The following TIA1 variants were observed in gnomAD, a reference collection of about 807,000 sequenced individuals.
TIA1 encodes cytotoxic granule associated RNA binding protein TIA1.
Under a neutral mutation model 65.9 loss-of-function variants are expected in TIA1, and 23 were observed. That is an observed-to-expected ratio of 0.35 (90% CI 0.25 to 0.49). The LOEUF (loss-of-function observed/expected upper bound fraction) is 0.49, where lower values mean the gene tolerates loss of function less well. Among genes scored for constraint, TIA1 ranks in the 20% least tolerant of loss-of-function variants. The pLI is 0.98. For missense variants in TIA1, 371 were observed against 477.9 expected, an observed-to-expected ratio of 0.78 and a Z score of 2.09; for synonymous variants, 147 against 149.4, an observed-to-expected ratio of 0.98 and a Z score of 0.12.
Position 70,214,270 on chromosome 2 carries a change from A to G in TIA1, c.1034+79T>C, listed in dbSNP as rs1028412998. ...ACATAAGAGGCCCTATTACCCACTA[A>G]TTCTTAAAATTTCTTCCTACTTAAA... On this transcript the variant is annotated intron_variant, in intron 12 of 12. Transcript: ENST00000433529. 5 of 1,501,272 alleles carry G rather than the reference A, an allele frequency of 3.3e-6. No individual in the cohort carries two copies. In the East Asian group the frequency reaches 6.9e-5, roughly 21 times the overall value. 93.0% of individuals were successfully genotyped at this position (1,501,272 alleles called of 1,614,324 possible).
chr2:70,225,249 C>G, intron 6 of TIA1: 3 of 1,141,636 alleles, frequency 2.6e-6, no homozygotes, highest in Non-Finnish European at 3.3e-6. Context: ...TTTATAATAG[C>G]ATTCATATAA....
chr2:70,245,482 C>T (rs1693884096), intron 1 of TIA1, among the ~76,000 whole-genome samples: 1 of 152,186 alleles, frequency 6.6e-6, no homozygotes, highest in Admixed American at 6.5e-5. Flanking sequence ...TTTTTCTAGT[C>T]TAGTGTGTAG....
chr2:70,220,176 G>A (rs1026859489), intron 7 of TIA1, among the ~76,000 whole-genome samples: 14 of 152,066 alleles, frequency 9.2e-5, no homozygotes, highest in African/African-American at 2.9e-4. Context: ...TTGGGAGGCC[G>A]AGGCAGGTGG....
rs1684459565 is a variant in TIA1 at position 70,227,827 on chromosome 2, T to C, written c.311-5A>G. 6.3e-7 allele frequency: 1 copy of C among 1,591,504 alleles called. No individual in the cohort carries two copies. Among genetic ancestry groups the C allele is most frequent in the African/African-American group, 1.3e-5 (1 of 74,614 alleles). On this transcript the variant is annotated splice_polypyrimidine_tract_variant and splice_region_variant and intron_variant, in intron 5 of 12. Coordinates refer to ENST00000433529, the MANE Select transcript of TIA1 (RefSeq NM_022173.4). ...CAACAAAGACATGGAAATGATCTTA[T>C]AAGGGGAAGGAAGGGGAAGTGAAAA...
chr2:70,241,175 G>A (rs1008283975), intron 1 of TIA1, among the ~76,000 whole-genome samples: 8 of 151,822 alleles, frequency 5.3e-5, no homozygotes, highest in South Asian at 4.2e-4. Flanking sequence ...GGACAGGTGC[G>A]GTGGCTCACG....
chr2:70,220,257 A>G (rs925479120), intron 7 of TIA1, among the ~76,000 whole-genome samples: 5 of 152,018 alleles, frequency 3.3e-5, no homozygotes, highest in Admixed American at 1.3e-4. Flanking sequence ...AAAATAGAAA[A>G]ATTAGCTGGG....
chr2:70,225,601 T>C (rs1683438484), intron 6 of TIA1, among the ~76,000 whole-genome samples: 1 of 152,232 alleles, frequency 6.6e-6, no homozygotes, highest in South Asian at 2.1e-4. Flanking sequence ...CAGAAAGCCA[T>C]GCAATGTAAT....
intron 1 of TIA1, among the ~76,000 whole-genome samples, chr2:70,241,818 C>A (rs1691899711): frequency 6.6e-6 from 1 of 151,728 alleles, no homozygotes; most frequent in African/African-American, 2.4e-5. Context: ...GTGGTGTGCA[C>A]CTGTAGTTCC....
Position 70,220,194 on chromosome 2 carries a change from G to A in TIA1, c.475-3200C>T, listed in dbSNP as rs551270786. On this transcript the variant is annotated intron_variant, in intron 7 of 12. Transcript: ENST00000433529. Reference sequence around the variant, plus strand: ...GGAGGCCGAGGCAGGTGGATCATGAGCCCAGGAGTTCGAGACCAGCCTGGA... The same window carrying A: ...GGAGGCCGAGGCAGGTGGATCATGAACCCAGGAGTTCGAGACCAGCCTGGA... Among the ~76,000 whole-genome samples, 11 of 152,208 alleles carry A rather than the reference G, an allele frequency of 7.2e-5. No homozygotes were observed. In the South Asian group the frequency reaches 2.3e-3, roughly 32 times the overall value.
chr2:70,224,740 T>C, intron 6 of TIA1, 111 bp from the exon 7 acceptor site: 1 of 1,465,142 alleles, frequency 6.8e-7, no homozygotes, highest in Non-Finnish European at 9.0e-7. Context: ...AAGTGAACCT[T>C]TAATGCAAAT....
intron 5 of TIA1, chr2:70,228,296 T>C (rs1245299002): frequency 7.9e-7 from 1 of 1,264,572 alleles, no homozygotes; most frequent in East Asian, 5.8e-5. Context: ...AGCTACATGA[T>C]ATATACTTGG....
intron 2 of TIA1, among the ~76,000 whole-genome samples, chr2:70,232,572 A>T (rs1209979580): frequency 1.5e-5 from 2 of 135,994 alleles, no homozygotes; most frequent in Non-Finnish European, 3.1e-5. Flanking sequence ...AAAAAAAAAA[A>T]AATTATCTTC....
At chr2:70,225,121 A>AC (rs1196537586) in intron 6 of TIA1, 3 of 1,023,486 alleles carry the variant, frequency 2.9e-6, no homozygotes, top group Admixed American at 5.5e-5. Context: ...ATCAATTTAT[A>AC]CCCCCCTTTT....
Position 70,211,883 on chromosome 2 carries a change from G to C in TIA1, c.*836C>G, listed in dbSNP as rs1485706247. 1 of 152,412 alleles carries C rather than the reference G, an allele frequency of 6.6e-6. No individual in the cohort carries two copies. The highest frequency in any genetic ancestry group is 2.4e-5 in the African/African-American group (1 of 41,408). 9.4% of individuals were successfully genotyped at this position (152,412 alleles called of 1,614,324 possible). On this transcript the variant is annotated 3_prime_UTR_variant, in exon 13 of 13. Transcript: ENST00000433529. The stretch of plus-strand genomic sequence containing the variant: ...GAAGTTGACACATGAAATTAACATG[G>C]CATAAGAACTTATCACATTTCAGAT...
chr2:70,226,637 T>C (rs1304401487), intron 6 of TIA1, among the ~76,000 whole-genome samples: 1 of 152,128 alleles, frequency 6.6e-6, no homozygotes, highest in Non-Finnish European at 1.5e-5. Flanking sequence ...CATAGAGATT[T>C]AGAGCCCTTG....
chr2:70,221,410 C>T (rs991365458), intron 7 of TIA1, among the ~76,000 whole-genome samples: 22 of 151,810 alleles, frequency 1.4e-4, no homozygotes, highest in Non-Finnish European at 1.3e-4. Context: ...TTCGAGGCTG[C>T]AGTGAGCTAT....
In TIA1 at chr2:70,234,782, G is replaced by A. The variant is rs192135549; in HGVS notation, c.123+1297C>T. 4.7e-4 allele frequency among the ~76,000 whole-genome samples: 71 copies of A among 151,654 alleles called. No homozygotes were observed. The East Asian group carries it at 8.7e-3, about 19-fold the overall frequency. Reference sequence around the variant, plus strand: ...TCGCCATGTTGGTCAGGCTAGTCTCGAACTCCTGACCTCATGATCTGCCTG... The same window carrying A: ...TCGCCATGTTGGTCAGGCTAGTCTCAAACTCCTGACCTCATGATCTGCCTG... On this transcript the variant is annotated intron_variant, in intron 2 of 12. Coordinates refer to ENST00000433529, the MANE Select transcript of TIA1 (RefSeq NM_022173.4).
intron 6 of TIA1, 134 bp from the exon 7 acceptor site, chr2:70,224,763 C>T: frequency 1.4e-6 from 2 of 1,423,892 alleles, no homozygotes; most frequent in Non-Finnish European, 1.8e-6. Context: ...ACCTTTTATT[C>T]TACAAAATTT....
At chr2:70,245,675 A>T (rs1693965208) in intron 1 of TIA1, among the ~76,000 whole-genome samples, 1 of 152,192 alleles carries the variant, frequency 6.6e-6, no homozygotes, top group African/African-American at 2.4e-5. Context: ...ATACTCCTCA[A>T]AATAATCTTG....
Sources: gnomAD v4.1 joint callset for allele counts (sites outside exome capture counted in the v4.1 genomes callset) on GRCh38, gnomAD v4.1.1 for gene constraint, MANE v1.5 for transcripts, NCBI Gene and HGNC (gene_info 2026-07-23, HGNC 2026-07-21) for gene names.